The following SMARCC1 variants were observed in gnomAD, a reference collection of about 807,000 sequenced individuals.
The protein encoded by SMARCC1 is SWI/SNF complex subunit SMARCC1.
SMARCC1 carries 43 observed loss-of-function variants against 147.4 expected under a neutral mutation model. The observed-to-expected ratio is 0.29, with a 90% confidence interval of 0.23 to 0.38. SMARCC1 has a LOEUF of 0.38. SMARCC1 is among the 10% of genes least tolerant of loss of function. The probability of loss-of-function intolerance (pLI) is 1.00; values close to 1 mark genes in which losing one functional copy is unlikely to be tolerated. For missense variants in SMARCC1, 1,119 were observed against 1,381.1 expected, an observed-to-expected ratio of 0.81 and a Z score of 3.01; for synonymous variants, 495 against 484.4, an observed-to-expected ratio of 1.02 and a Z score of -0.29.
chr3:47,723,048 T>C (rs1017138434), intron 6 of SMARCC1, among the ~76,000 whole-genome samples: 1 of 152,120 alleles, frequency 6.6e-6, no homozygotes, highest in African/African-American at 2.4e-5. Context: ...AAAGGGGAAA[T>C]ACTGGTTTGG....
At chr3:47,589,875 A>T (rs1163297117) in intron 27 of SMARCC1, among the ~76,000 whole-genome samples, 1 of 152,260 alleles carries the variant, frequency 6.6e-6, no homozygotes, top group African/African-American at 2.4e-5. Flanking sequence ...AACTATAAAT[A>T]GTAGCTAAAC....
chr3:47,754,193 A>T (rs1057467470), intron 2 of SMARCC1, among the ~76,000 whole-genome samples: 13 of 150,658 alleles, frequency 8.6e-5, no homozygotes, highest in Non-Finnish European at 1.9e-4. Flanking sequence ...CACAACAAGC[A>T]TATGAACTTT....
chr3:47,692,269 C>CT (rs1415130052), intron 12 of SMARCC1, among the ~76,000 whole-genome samples: 1 of 152,140 alleles, frequency 6.6e-6, no homozygotes, highest in Non-Finnish European at 1.5e-5. Flanking sequence ...TGATTATACT[C>CT]TTTTCTATTC....
Position 47,738,087 on chromosome 3 carries a change from G to A in SMARCC1, c.425C>T (p.Pro142Leu). 1 of 1,584,520 alleles carries A rather than the reference G, an allele frequency of 6.3e-7. No individual in the cohort carries two copies. Residue 142 changes from proline (P) to leucine (L), a missense_variant, in exon 4 of 28, where the codon CCA (proline) becomes CTA (leucine). Around this residue, in one of 6 missense-constraint regions of SMARCC1, gnomAD observed 542 missense variants for 611.8 expected, o/e 0.89. Transcript: ENST00000254480. ...QGWRRFDLQN[P>L]SRMDRNVEMF... ...TTCCACATTACGATCCATTCGAGAT[G>A]GGTTCTGTAGGTCAAACCTCCGCCT...
chr3:47,739,663 T>G (rs967524660), intron 3 of SMARCC1, among the ~76,000 whole-genome samples: 1 of 152,096 alleles, frequency 6.6e-6, no homozygotes, highest in African/African-American at 2.4e-5. Flanking sequence ...CATTACCAGG[T>G]ACTACCTAGC....
intron 11 of SMARCC1, among the ~76,000 whole-genome samples, chr3:47,696,146 G>A (rs1351990924): frequency 1.3e-5 from 2 of 150,856 alleles, no homozygotes; most frequent in Admixed American, 6.6e-5. Flanking sequence ...CAAGGCGGGT[G>A]GATCACCTGA....
intron 9 of SMARCC1, among the ~76,000 whole-genome samples, chr3:47,707,595 T>C (rs1405822306): frequency 6.6e-6 from 1 of 152,074 alleles, no homozygotes; most frequent in African/African-American, 2.4e-5. Context: ...TCAATTAGGC[T>C]GGTCACGGTG....
At chr3:47,670,366 C>T in intron 19 of SMARCC1, 1 of 355,386 alleles carries the variant, frequency 2.8e-6, no homozygotes, top group Non-Finnish European at 5.1e-6. Context: ...GGGAGGATTG[C>T]TTGAGTCCAG....
chr3:47,735,128 G>A (rs1354918994), intron 5 of SMARCC1, among the ~76,000 whole-genome samples: 1 of 151,972 alleles, frequency 6.6e-6, no homozygotes, highest in East Asian at 1.9e-4. Context: ...AGGATTACTT[G>A]AAAGTAATAC....
At chr3:47,652,876 A>C (rs2033207512) in intron 21 of SMARCC1, among the ~76,000 whole-genome samples, 1 of 152,146 alleles carries the variant, frequency 6.6e-6, no homozygotes, top group African/African-American at 2.4e-5. Flanking sequence ...CTCATTTCCT[A>C]AATAATTCCT....
Position 47,638,769 on chromosome 3 carries a change from C to G in SMARCC1, c.2332G>C (p.Glu778Gln), listed in dbSNP as rs2033008605. The change falls in exon 22 of 28, where the codon GAG (glutamate) becomes CAG (glutamine). Residue 778 changes from glutamate (E) to glutamine (Q), a missense_variant. By Grantham distance (29) the Glu-to-Gln change is conservative (BLOSUM62 2). Coordinates refer to ENST00000254480, the MANE Select transcript of SMARCC1 (RefSeq NM_003074.4). Reference protein sequence around the residue: ...DEPEKLEGAEEEKMEADPDGQ... With the variant: ...DEPEKLEGAEQEKMEADPDGQ... ...TCAGGGTCGGCTTCCATTTTTTCCT[C>G]TTCAGCTCCTTCTACAAGTAAAAGA... is the stretch of plus-strand genomic sequence containing the variant. 1 of 1,611,974 alleles carries G rather than the reference C, an allele frequency of 6.2e-7. No homozygotes were observed. Among genetic ancestry groups the G allele is most frequent in the South Asian group, 1.1e-5 (1 of 91,044 alleles).
intron 26 of SMARCC1, among the ~76,000 whole-genome samples, chr3:47,605,536 C>T (rs563589644): frequency 1.1e-4 from 17 of 152,204 alleles, no homozygotes; most frequent in East Asian, 7.7e-4. Context: ...CTTTGGGAGG[C>T]GGAGGCGGGA....
At chr3:47,647,073 T>C (rs766837163) in intron 21 of SMARCC1, among the ~76,000 whole-genome samples, 1 of 152,184 alleles carries the variant, frequency 6.6e-6, no homozygotes, top group Non-Finnish European at 1.5e-5. Context: ...CTCACATAGA[T>C]TTAGAGTCTG....
chr3:47,656,520 T>G (rs1182377090), intron 21 of SMARCC1, among the ~76,000 whole-genome samples: 2 of 152,208 alleles, frequency 1.3e-5, no homozygotes, highest in Admixed American at 1.3e-4. Context: ...AAGTCTCAAC[T>G]TCTCAAATCC....
intron 24 of SMARCC1, among the ~76,000 whole-genome samples, chr3:47,631,766 T>G (rs192856602): frequency 4.9e-4 from 74 of 152,318 alleles, no homozygotes; most frequent in Non-Finnish European, 4.3e-4. Flanking sequence ...CAAAGCTGTT[T>G]ATAGACACAG....
intron 11 of SMARCC1, among the ~76,000 whole-genome samples, chr3:47,695,666 C>A (rs2033840204): frequency 6.7e-6 from 1 of 148,604 alleles, no homozygotes; most frequent in African/African-American, 2.5e-5. Context: ...ACTAGGGAGG[C>A]TGAAGCAGAA....
Position 47,686,111 on chromosome 3 carries a change from A to G in SMARCC1, c.1323T>C (p.Asn441=). Residue 441 remains asparagine (N), a synonymous_variant, in exon 14 of 28, where the codon AAT becomes AAC. Coordinates refer to ENST00000254480, the MANE Select transcript of SMARCC1 (RefSeq NM_003074.4). ...QSRSVDLGED[N]VTEQTNHIII... ...TAATGTGATTGGTCTGCTCTGTCAC[A>G]TTATCTTCCCCAAGGTCAACTGATC... 6.2e-7 allele frequency: 1 copy of G among 1,611,834 alleles called. No homozygotes were observed. The highest frequency in any genetic ancestry group is 8.5e-7 in the Non-Finnish European group (1 of 1,178,032).
At chr3:47,766,237 A>G (rs2034838354) in intron 2 of SMARCC1, among the ~76,000 whole-genome samples, 1 of 152,076 alleles carries the variant, frequency 6.6e-6, no homozygotes. Flanking sequence ...TTTTAAACAC[A>G]GATGCTTATA....
chr3:47,729,614 G>GACCTT (rs1472560324), intron 5 of SMARCC1, among the ~76,000 whole-genome samples: 1 of 152,176 alleles, frequency 6.6e-6, no homozygotes, highest in East Asian at 1.9e-4. Context: ...TTGAACTCCT[G>GACCTT]ACCTTAGGTG....
Sources: allele counts gnomAD v4.1 joint callset (sites outside exome capture counted in the v4.1 genomes callset), GRCh38; gene constraint gnomAD v4.1.1; regional missense constraint gnomAD v4.1.1; transcripts MANE v1.5; gene names NCBI Gene and HGNC (gene_info 2026-07-23, HGNC 2026-07-21).